Variants in KBTBD11 observed in about 807,000 individuals in gnomAD.
The protein encoded by KBTBD11 is kelch repeat and BTB domain-containing protein 11.
For missense variants in KBTBD11, 1,390 were observed against 1,001.8 expected (o/e 1.39, Z -5.23); for synonymous variants, 747 against 499.0 (o/e 1.50, Z -6.63).
intron 1 of KBTBD11, among the ~76,000 whole-genome samples, chr8:1,994,880 G>A (rs1010693335): frequency 9.9e-5 from 15 of 152,172 alleles, no homozygotes; most frequent in African/African-American, 3.1e-4. Flanking sequence ...CCAACATGGC[G>A]AAACTCCGTC....
chr8:1,988,425 T>C (rs927898157), intron 1 of KBTBD11, among the ~76,000 whole-genome samples: 5 of 152,248 alleles, frequency 3.3e-5, no homozygotes, highest in African/African-American at 1.2e-4. Context: ...ATCGCCATTC[T>C]AACTGGTGTG....
chr8:2,005,679 ATAGT>A lies in KBTBD11; in HGVS notation c.*2619_*2622del, dbSNP rs1260955271. 11 of 167,238 alleles carry A rather than the reference ATAGT, an allele frequency of 6.6e-5. No homozygotes were observed. Among genetic ancestry groups the A allele is most frequent in the African/African-American group, 2.6e-4 (11 of 41,588 alleles). The allele number at this position is 167,238 out of a possible 1,614,324, so 10.4% of individuals were successfully genotyped here. A position where few individuals can be genotyped will look rare whatever the true frequency, so the allele number is the denominator to read the frequency against. ...TATTCCTGGTCATCCACCCATTAAAATAGTTAGATGAGGCTATTGCCTTGATGAC... is the reference window on the plus strand; with the variant it reads ...TATTCCTGGTCATCCACCCATTAAAATAGATGAGGCTATTGCCTTGATGAC... On this transcript the variant is annotated 3_prime_UTR_variant, in exon 2 of 2. Transcript: ENST00000320248.
intron 1 of KBTBD11, among the ~76,000 whole-genome samples, chr8:1,980,765 G>A (rs956655298): frequency 6.6e-6 from 1 of 152,176 alleles, no homozygotes; most frequent in Non-Finnish European, 1.5e-5. Context: ...GTTTCCTACT[G>A]GTTCTGTTAA....
At chr8:1,977,931 C>T (rs1816404985) in intron 1 of KBTBD11, among the ~76,000 whole-genome samples, 1 of 152,180 alleles carries the variant, frequency 6.6e-6, no homozygotes, top group African/African-American at 2.4e-5. Context: ...ATTCGTATCA[C>T]GACCCTTGTT....
At chr8:1,977,016 A>G (rs1340552168) in intron 1 of KBTBD11, among the ~76,000 whole-genome samples, 1 of 152,134 alleles carries the variant, frequency 6.6e-6, no homozygotes, top group East Asian at 1.9e-4. Flanking sequence ...CACGAGCCAC[A>G]TGTGGCCCAG....
At position 2,002,044 on chromosome 8, in the gene KBTBD11, G is replaced by A. The variant is rs762668984; in HGVS notation, c.852G>A (p.Leu284=). ...GRLSGAERDL[L]LRRRLRAGRA... Reference sequence around the variant, plus strand: ...TGTCGGGCGCAGAGCGGGACCTGCTGCTGCGCCGCCGCCTGCGCGCCGGCC... The same window carrying A: ...TGTCGGGCGCAGAGCGGGACCTGCTACTGCGCCGCCGCCTGCGCGCCGGCC... Residue 284 remains leucine, a synonymous_variant, in exon 2 of 2, where the codon CTG becomes CTA. Coordinates refer to ENST00000320248, the MANE Select transcript of KBTBD11 (RefSeq NM_014867.3). The surrounding 1 kb of genome is among the most constrained non-coding windows in gnomAD (Gnocchi z 4.1). 8.0e-7 allele frequency: 1 copy of A among 1,247,998 alleles called. No homozygotes were observed. Among genetic ancestry groups the A allele is most frequent in the South Asian group, 2.0e-5 (1 of 49,354 alleles). The allele number at this position is 1,247,998 out of a possible 1,614,324, so 77.3% of individuals were successfully genotyped here.
At position 2,002,829 on chromosome 8, in the gene KBTBD11, GC is replaced by G; in HGVS notation, c.1641del (p.Thr548ArgfsTer18). ...PCVAPLRLPG[G>X]PTGLQPFRCA... ...GTCGCGCCCCTGCGCCTCCCCGGCG[GC>G]CCCACGGGCCTGCAGCCCTTCCGCT... is the stretch of plus-strand genomic sequence containing the variant. On this transcript the variant is annotated frameshift_variant, in exon 2 of 2. Coordinates refer to ENST00000320248, the MANE Select transcript of KBTBD11 (RefSeq NM_014867.3). LOFTEE classifies it low-confidence loss of function (END_TRUNC). The surrounding 1 kb of genome is among the most constrained non-coding windows in gnomAD (Gnocchi z 4.1). The G allele has an allele frequency of 7.0e-7, 1 of 1,424,716 alleles. No individual in the cohort carries two copies. Among genetic ancestry groups the G allele is most frequent in the Non-Finnish European group, 9.1e-7 (1 of 1,098,748 alleles). The allele number at this position is 1,424,716 out of a possible 1,614,324, so 88.3% of individuals were successfully genotyped here.
chr8:1,988,384 C>T (rs1392809913), intron 1 of KBTBD11, among the ~76,000 whole-genome samples: 1 of 152,214 alleles, frequency 6.6e-6, no homozygotes, highest in Admixed American at 6.5e-5. Flanking sequence ...CACATCCTCT[C>T]CAGCACCTGT....
Position 2,004,193 on chromosome 8 carries a change from T to G in KBTBD11, c.*1129T>G, listed in dbSNP as rs1249152061. ...AGATTTGCAAGTAAACTGCATGTAT[T>G]TAATTGTATTGAATTGAGTTCCAAA... On this transcript the variant is annotated 3_prime_UTR_variant, in exon 2 of 2. Transcript: ENST00000320248. The G allele has an allele frequency of 6.0e-6, 1 of 167,038 alleles. No individual in the cohort carries two copies. Among genetic ancestry groups the G allele is most frequent in the African/African-American group, 2.4e-5 (1 of 41,464 alleles). The allele number at this position is 167,038 out of a possible 1,614,324, so 10.3% of individuals were successfully genotyped here. A position where few individuals can be genotyped will look rare whatever the true frequency, so the allele number is the denominator to read the frequency against.
rs78769493 is a variant in KBTBD11, at chr8:2,001,054, G to T, written c.-139G>T. 6.2e-4 allele frequency: 705 copies of T among 1,145,786 alleles called. 8 individuals are homozygous for T. The African/African-American group carries it at 0.01, about 17-fold the overall frequency. 71.0% of individuals were successfully genotyped at this position (1,145,786 alleles called of 1,614,324 possible). On this transcript the variant is annotated 5_prime_UTR_variant, in exon 2 of 2. Coordinates refer to ENST00000320248, the MANE Select transcript of KBTBD11 (RefSeq NM_014867.3). ...CCCTTCACACACACAACAACAAAGC[G>T]TGGACACACAGAAGTGAAATCTGAT...
intron 1 of KBTBD11, among the ~76,000 whole-genome samples, chr8:1,987,354 G>A (rs754564564): frequency 2.0e-5 from 3 of 152,152 alleles, no homozygotes; most frequent in Non-Finnish European, 4.4e-5. Context: ...CAGTGTTAGC[G>A]TGACACAAAA....
At chr8:1,993,978 A>C (rs1356028263) in intron 1 of KBTBD11, among the ~76,000 whole-genome samples, 2 of 141,240 alleles carry the variant, frequency 1.4e-5, no homozygotes, top group Non-Finnish European at 3.2e-5. Flanking sequence ...TAGATGGTTT[A>C]TCAGGGGAGC....
At chr8:1,987,051 C>G (rs929995050) in intron 1 of KBTBD11, among the ~76,000 whole-genome samples, 1 of 141,464 alleles carries the variant, frequency 7.1e-6, no homozygotes, top group African/African-American at 2.7e-5. Flanking sequence ...CACACACACA[C>G]AAAGAAGGAA....
chr8:1,989,711 G>A (rs1816837629), intron 1 of KBTBD11, among the ~76,000 whole-genome samples: 1 of 152,168 alleles, frequency 6.6e-6, no homozygotes, highest in African/African-American at 2.4e-5. Flanking sequence ...CAGTGGTTAA[G>A]GGGCCAGACA....
In KBTBD11 at chr8:2,002,825, G is replaced by C. The variant is rs1164740382; in HGVS notation, c.1633G>C (p.Gly545Arg). 5 of 1,429,578 alleles carry C rather than the reference G, an allele frequency of 3.5e-6. No homozygotes were observed. Among genetic ancestry groups the C allele is most frequent in the South Asian group, 2.9e-5 (2 of 69,758 alleles). 88.6% of individuals were successfully genotyped at this position (1,429,578 alleles called of 1,614,324 possible). A position where few individuals can be genotyped will look rare whatever the true frequency, so the allele number is the denominator to read the frequency against. ...GTGCGTCGCGCCCCTGCGCCTCCCC[G>C]GCGGCCCCACGGGCCTGCAGCCCTT... is the stretch of plus-strand genomic sequence containing the variant. Reference protein sequence around the residue: ...SPCVAPLRLPGGPTGLQPFRC... With the variant: ...SPCVAPLRLPRGPTGLQPFRC... Residue 545 changes from glycine (G) to arginine (R), a missense_variant, in exon 2 of 2, where the codon GGC (glycine) becomes CGC (arginine). Physicochemically the swap from Gly to Arg is moderately radical, Grantham distance 125. Coordinates refer to ENST00000320248, the MANE Select transcript of KBTBD11 (RefSeq NM_014867.3). The surrounding 1 kb of genome is among the most constrained non-coding windows in gnomAD (Gnocchi z 4.1).
At chr8:1,987,263 C>T (rs1816735863) in intron 1 of KBTBD11, among the ~76,000 whole-genome samples, 1 of 152,130 alleles carries the variant, frequency 6.6e-6, no homozygotes. Flanking sequence ...CTTTTTGCAA[C>T]TGCAAAGCTT....
rs1486961689 is a variant in KBTBD11 at position 1,973,746 on chromosome 8, G to A, written c.-1098G>A. ...TCCGCGCGGCCTGGAGAGGCGGAGA[G>A]GCCTGTCCACCGCCCCCTCTGCCGC... On this transcript the variant is annotated 5_prime_UTR_variant, in exon 1 of 2. Transcript: ENST00000320248. 5.1e-6 allele frequency: 5 copies of A among 983,724 alleles called. No individual in the cohort carries two copies. In the South Asian group the frequency reaches 1.4e-4, roughly 28 times the overall value. The allele number at this position is 983,724 out of a possible 1,614,324, so 60.9% of individuals were successfully genotyped here.
At chr8:1,992,628 C>T (rs1816960428) in intron 1 of KBTBD11, among the ~76,000 whole-genome samples, 1 of 152,036 alleles carries the variant, frequency 6.6e-6, no homozygotes, top group African/African-American at 2.4e-5. Context: ...TCATCCCAAT[C>T]CCCATCCTTA....
In KBTBD11 at chr8:1,973,686, G is replaced by C. The variant is rs1006338987; in HGVS notation, c.-1158G>C. 2,072 of 982,752 alleles carry C rather than the reference G, an allele frequency of 2.1e-3. 3 individuals are homozygous for C. Among genetic ancestry groups the C allele is most frequent in the Non-Finnish European group, 2.3e-3 (1,925 of 828,372 alleles). The allele number at this position is 982,752 out of a possible 1,614,324, so 60.9% of individuals were successfully genotyped here. On this transcript the variant is annotated 5_prime_UTR_variant, in exon 1 of 2. Coordinates refer to ENST00000320248, the MANE Select transcript of KBTBD11 (RefSeq NM_014867.3). The stretch of plus-strand genomic sequence containing the variant: ...GCCCGCCCCCCTCCCCGCGCCCCGC[G>C]CGCGCCCCTCGCAGCCTGGAGCCGG...
Sources: allele counts gnomAD v4.1 joint callset (sites outside exome capture counted in the v4.1 genomes callset), GRCh38; gene constraint gnomAD v4.1.1; non-coding constraint Gnocchi (gnomAD v3.1); transcripts MANE v1.5; gene names NCBI Gene and HGNC (gene_info 2026-07-23, HGNC 2026-07-21).